Variants in LRRIQ3 observed in about 807,000 individuals in gnomAD.
The protein encoded by LRRIQ3 is leucine rich repeats and IQ motif containing 3, also known as leucine-rich repeat and IQ domain-containing protein 3.
In LRRIQ3, 75 loss-of-function variants were observed where a neutral mutation model predicts 59.3. The observed-to-expected ratio is 1.26, with a 90% CI of 1.05 to 1.53. LRRIQ3 has a LOEUF of 1.53. Among genes scored for constraint, LRRIQ3 ranks in the 40% most tolerant of loss-of-function variants. LRRIQ3 has a pLI of 0.00. For synonymous variants in LRRIQ3, 250 were observed against 231.3 expected, an observed-to-expected ratio of 1.08 and a Z score of -0.73; for missense variants, 831 against 710.0, an observed-to-expected ratio of 1.17 and a Z score of -1.94.
intron 1 of LRRIQ3, among the ~76,000 whole-genome samples, chr1:74,190,506 T>A (rs1280181491): frequency 6.6e-6 from 1 of 151,506 alleles, no homozygotes; most frequent in Non-Finnish European, 1.5e-5. Flanking sequence ...AACATAACAT[T>A]CCAGAAGTGT....
intron 4 of LRRIQ3, among the ~76,000 whole-genome samples, chr1:74,152,277 G>T (rs1219451835): frequency 6.6e-6 from 1 of 151,776 alleles, no homozygotes; most frequent in Non-Finnish European, 1.5e-5. Flanking sequence ...TTTCCTAAGT[G>T]AAATAGACTA....
chr1:74,039,150 A>G (rs1033987362), intron 7 of LRRIQ3, among the ~76,000 whole-genome samples: 15 of 152,204 alleles, frequency 9.9e-5, no homozygotes, highest in Admixed American at 9.8e-4. Context: ...TGATGGAGCT[A>G]AAAACATAGG....
chr1:74,177,281 C>T (rs113079899), intron 3 of LRRIQ3, among the ~76,000 whole-genome samples: 3,177 of 152,146 alleles, frequency 0.021, 109 homozygotes, highest in African/African-American at 0.072. Flanking sequence ...ACATCTTTCT[C>T]CTGTGCTGGA....
At chr1:74,048,760 T>G (rs1570026034) in intron 6 of LRRIQ3, among the ~76,000 whole-genome samples, 1 of 152,280 alleles carries the variant, frequency 6.6e-6, no homozygotes, top group Non-Finnish European at 1.5e-5. Context: ...GTTTTCTTTG[T>G]TAAATATAGA....
At chr1:74,142,079 G>C (rs922197917) in intron 4 of LRRIQ3, among the ~76,000 whole-genome samples, 2 of 151,242 alleles carry the variant, frequency 1.3e-5, no homozygotes, top group African/African-American at 4.9e-5. Flanking sequence ...CTGTATCTTG[G>C]CTATTGTGAA....
Position 74,172,429 on chromosome 1 carries a change from C to T in LRRIQ3, c.573+10109G>A, listed in dbSNP as rs143638026. ...TTTGTTAATGATATCTAGTTTTATT[C>T]CATTGTGCTTAGAAAATATTCTTGG... On this transcript the variant is annotated intron_variant, in intron 3 of 7. Transcript: ENST00000354431. Among the ~76,000 whole-genome samples the T allele has an allele frequency of 7.0e-3, 1,061 of 151,968 alleles. 13 individuals are homozygous for T. The highest frequency in any genetic ancestry group is 0.023 in the African/African-American group (973 of 41,452).
chr1:74,062,868 A>G (rs78720744), intron 6 of LRRIQ3, among the ~76,000 whole-genome samples: 1 of 152,018 alleles, frequency 6.6e-6, no homozygotes, highest in Non-Finnish European at 1.5e-5. Flanking sequence ...GAGTGAAAAA[A>G]TACCTATCGG....
At chr1:74,050,836 A>T (rs1332465266) in intron 6 of LRRIQ3, among the ~76,000 whole-genome samples, 1 of 152,214 alleles carries the variant, frequency 6.6e-6, no homozygotes, top group East Asian at 1.9e-4. Flanking sequence ...CTAGATGCAA[A>T]AAGTTCACTT....
At position 74,109,164 on chromosome 1, in the gene LRRIQ3, A is replaced by AT; in HGVS notation, c.867+229_867+230insA. On this transcript the variant is annotated intron_variant, in intron 5 of 7. Coordinates refer to ENST00000354431, the MANE Select transcript of LRRIQ3 (RefSeq NM_001105659.2). ...AACTAAATAAAAAATTATATATATA[A>AT]AGCATAAATTATTAAATGGTTGTGG... 6.8e-6 allele frequency: 2 copies of AT among 294,148 alleles called. 1 individual carries two copies. The allele number at this position is 294,148 out of a possible 1,614,324, so 18.2% of individuals were successfully genotyped here.
Position 74,041,472 on chromosome 1 carries a change from A to T in LRRIQ3, c.1459T>A (p.Trp487Arg). ...ETIQNSLRQVWQNRFNYLEKA... is the reference protein window; with the variant it reads ...ETIQNSLRQVRQNRFNYLEKA... Reference sequence around the variant, plus strand: ...TCAAGGTAGTTGAATCTGTTTTGCCAAACTTGTCGTAAACTGTTCTGAATT... The same window carrying T: ...TCAAGGTAGTTGAATCTGTTTTGCCTAACTTGTCGTAAACTGTTCTGAATT... The change falls in exon 7 of 8, where the codon TGG becomes AGG. Residue 487 changes from tryptophan (W) to arginine (R), a missense_variant. Physicochemically the swap from Trp to Arg is moderately radical, Grantham distance 101. Coordinates refer to ENST00000354431, the MANE Select transcript of LRRIQ3 (RefSeq NM_001105659.2). 6.2e-7 allele frequency: 1 copy of T among 1,613,570 alleles called. No individual in the cohort carries two copies. Among genetic ancestry groups the T allele is most frequent in the Non-Finnish European group, 8.5e-7 (1 of 1,179,874 alleles).
intron 1 of LRRIQ3, among the ~76,000 whole-genome samples, chr1:74,194,913 C>T (rs888805241): frequency 6.6e-6 from 1 of 151,928 alleles, no homozygotes; most frequent in African/African-American, 2.4e-5. Flanking sequence ...AACCACTTGC[C>T]CTCTCCCTAT....
chr1:74,026,804 G>A lies in LRRIQ3; in HGVS notation c.*9C>T. On this transcript the variant is annotated 3_prime_UTR_variant, in exon 8 of 8. Transcript: ENST00000354431. ...TTAAGATGATCATAGGATGTGATCT[G>A]GCATTGATTCATTTTATCAGTCCAT... is the stretch of plus-strand genomic sequence containing the variant. 12 of 1,590,640 alleles carry A rather than the reference G, an allele frequency of 7.5e-6. No homozygotes were observed. The highest frequency in any genetic ancestry group is 9.4e-6 in the Non-Finnish European group (11 of 1,169,716).
intron 3 of LRRIQ3, among the ~76,000 whole-genome samples, chr1:74,160,014 A>G (rs982219576): frequency 3.3e-5 from 5 of 151,856 alleles, no homozygotes; most frequent in African/African-American, 9.7e-5. Flanking sequence ...TAATTCCCCT[A>G]TATTCAATTT....
chr1:74,048,920 T>A (rs1308244023), intron 6 of LRRIQ3, among the ~76,000 whole-genome samples: 1 of 152,146 alleles, frequency 6.6e-6, no homozygotes, highest in East Asian at 1.9e-4. Flanking sequence ...AGAAGATGGA[T>A]AACAAATTTA....
At chr1:74,165,439 C>A (rs1648923334) in intron 3 of LRRIQ3, among the ~76,000 whole-genome samples, 1 of 151,452 alleles carries the variant, frequency 6.6e-6, no homozygotes, top group African/African-American at 2.4e-5. Flanking sequence ...GTTTATCTGG[C>A]ATACTGAGAC....
chr1:74,134,883 G>A (rs1024817492), intron 4 of LRRIQ3, among the ~76,000 whole-genome samples: 5 of 151,874 alleles, frequency 3.3e-5, no homozygotes, highest in African/African-American at 1.2e-4. Context: ...AATGGTGGAT[G>A]TAAGTCCAGC....
At chr1:74,084,918 C>T (rs751333185) in intron 5 of LRRIQ3, among the ~76,000 whole-genome samples, 1 of 151,778 alleles carries the variant, frequency 6.6e-6, no homozygotes, top group Non-Finnish European at 1.5e-5. Flanking sequence ...GTACTGGTAA[C>T]CCCCTTACTT....
chr1:74,054,768 A>G (rs927423695), intron 6 of LRRIQ3, among the ~76,000 whole-genome samples: 4 of 147,340 alleles, frequency 2.7e-5, no homozygotes, highest in African/African-American at 7.4e-5. Context: ...CTATATATCT[A>G]CATACACATA....
intron 4 of LRRIQ3, among the ~76,000 whole-genome samples, chr1:74,134,666 G>A (rs1570179368): frequency 1.3e-5 from 2 of 151,744 alleles, no homozygotes; most frequent in African/African-American, 4.8e-5. Context: ...ATATTTTACT[G>A]AAATAAAGGT....
Sources: allele counts gnomAD v4.1 joint callset (sites outside exome capture counted in the v4.1 genomes callset), GRCh38; gene constraint gnomAD v4.1.1; transcripts MANE v1.5; gene names NCBI Gene and HGNC (gene_info 2026-07-23, HGNC 2026-07-21).